PRKCE: variants seen among roughly 807,000 people sequenced by gnomAD.
PRKCE encodes protein kinase C epsilon, also known as protein kinase C epsilon type.
A neutral mutation model predicts 85.4 loss-of-function variants in PRKCE; 16 were observed. The observed-to-expected ratio is 0.19, with a 90% CI of 0.13 to 0.28. The LOEUF (loss-of-function observed/expected upper bound fraction) is 0.28, where lower values mean the gene tolerates loss of function less well. PRKCE is among the 10% of genes least tolerant of loss of function. PRKCE has a pLI of 1.00. For synonymous variants in PRKCE, 388 were observed against 371.5 expected (o/e 1.04, Z -0.51); for missense variants, 573 against 975.2 (o/e 0.59, Z 5.49).
chr2:45,666,436 C>T (rs776333602), intron 1 of PRKCE, among the ~76,000 whole-genome samples: 12 of 151,896 alleles, frequency 7.9e-5, no homozygotes, highest in Middle Eastern at 3.4e-3. Flanking sequence ...TGCACCTCCC[C>T]GGCTTCCATT....
chr2:45,948,965 G>C (rs746689182), intron 2 of PRKCE, among the ~76,000 whole-genome samples: 1 of 151,988 alleles, frequency 6.6e-6, no homozygotes, highest in East Asian at 1.9e-4. Flanking sequence ...GCTATTCCTC[G>C]AATGACAATA....
chr2:45,795,338 T>C (rs1687350165), intron 1 of PRKCE, among the ~76,000 whole-genome samples: 1 of 152,156 alleles, frequency 6.6e-6, no homozygotes, highest in South Asian at 2.1e-4. Context: ...GATGGAGTGT[T>C]GCTCTTGTCA....
At chr2:45,668,273 G>A (rs542907647) in intron 1 of PRKCE, among the ~76,000 whole-genome samples, 201 of 152,288 alleles carry the variant, frequency 1.3e-3, no homozygotes, top group Non-Finnish European at 1.8e-3. Flanking sequence ...CCTGGGAGGT[G>A]GAAGCTGCAG....
At chr2:46,126,396 G>A (rs937083321) in intron 11 of PRKCE, among the ~76,000 whole-genome samples, 1 of 152,088 alleles carries the variant, frequency 6.6e-6, no homozygotes, top group Non-Finnish European at 1.5e-5. Flanking sequence ...ACCAGAGGAG[G>A]TATAGTGCCT....
intron 1 of PRKCE, among the ~76,000 whole-genome samples, chr2:45,757,838 G>A (rs1684135323): frequency 6.6e-6 from 1 of 152,142 alleles, no homozygotes; most frequent in Non-Finnish European, 1.5e-5. Flanking sequence ...GGATGGCAGG[G>A]GAGGACCACT....
In PRKCE at chr2:46,184,068, C is replaced by A. The variant is rs281508; in HGVS notation, c.2068-667C>A. Reference sequence around the variant, plus strand: ...GAGTTTACTTATTTCATTCAGTAGACACTTATTGCTGGGGAACTGCTGGGA... The same window carrying A: ...GAGTTTACTTATTTCATTCAGTAGAAACTTATTGCTGGGGAACTGCTGGGA... On this transcript the variant is annotated intron_variant, in intron 14 of 14. Transcript: ENST00000306156. The surrounding 1 kb of genome is among the most constrained non-coding windows in gnomAD (Gnocchi z 5.0). 0.29 allele frequency among the ~76,000 whole-genome samples: 44,385 copies of A among 151,950 alleles called. 6,644 individuals carry two copies. Among genetic ancestry groups the A allele is most frequent in the Admixed American group, 0.34 (5,254 of 15,276 alleles).
At chr2:45,744,555 TTCCTTC>T (rs1558624292) in intron 1 of PRKCE, among the ~76,000 whole-genome samples, 3 of 105,262 alleles carry the variant, frequency 2.9e-5, no homozygotes, top group African/African-American at 9.1e-5. Flanking sequence ...TCTTTCTTCC[TTCCTTC>T]CTTCCTTCCT....
At chr2:45,893,636 A>G (rs1385756084) in intron 2 of PRKCE, among the ~76,000 whole-genome samples, 2 of 151,346 alleles carry the variant, frequency 1.3e-5, no homozygotes, top group Non-Finnish European at 2.9e-5. Context: ...TGCTGGGATT[A>G]CAGGCATGAG....
intron 1 of PRKCE, among the ~76,000 whole-genome samples, chr2:45,766,910 G>A (rs553247243): frequency 4.6e-5 from 7 of 152,224 alleles, no homozygotes; most frequent in African/African-American, 1.4e-4. Flanking sequence ...GCATGATGGC[G>A]TGTGCCAGTA....
At chr2:45,761,123 T>C (rs573059084) in intron 1 of PRKCE, among the ~76,000 whole-genome samples, 60 of 152,040 alleles carry the variant, frequency 3.9e-4, no homozygotes, top group Middle Eastern at 3.4e-3. Context: ...GTCAGGAGAT[T>C]GAGACCATCT....
At chr2:45,927,915 A>G (rs1482040203) in intron 2 of PRKCE, among the ~76,000 whole-genome samples, 1 of 148,132 alleles carries the variant, frequency 6.8e-6, no homozygotes, top group African/African-American at 2.5e-5. Flanking sequence ...TGTAGCCTTC[A>G]CTCACGGAGG....
At chr2:45,878,510 A>T (rs1400070852) in intron 2 of PRKCE, among the ~76,000 whole-genome samples, 1 of 152,206 alleles carries the variant, frequency 6.6e-6, no homozygotes, top group Non-Finnish European at 1.5e-5. Context: ...AATCTTAAAA[A>T]ATCTTCCAAA....
At chr2:46,035,972 G>A (rs1278253142) in intron 10 of PRKCE, among the ~76,000 whole-genome samples, 1 of 152,186 alleles carries the variant, frequency 6.6e-6, no homozygotes. Context: ...AGACTGCAAA[G>A]CAGGGGAAGG....
At chr2:46,036,517 G>A (rs915862725) in intron 10 of PRKCE, among the ~76,000 whole-genome samples, 13 of 152,176 alleles carry the variant, frequency 8.5e-5, no homozygotes, top group African/African-American at 2.4e-4. Context: ...TAGAGCCCAG[G>A]AGGTGGGGAC....
intron 1 of PRKCE, among the ~76,000 whole-genome samples, chr2:45,706,832 T>G (rs879613247): frequency 2.6e-5 from 4 of 152,192 alleles, no homozygotes; most frequent in Non-Finnish European, 4.4e-5. Flanking sequence ...TCATTTGAAC[T>G]GTGTCTTTTA....
chr2:45,899,722 G>A (rs920996739), intron 2 of PRKCE, among the ~76,000 whole-genome samples: 1 of 152,248 alleles, frequency 6.6e-6, no homozygotes, highest in South Asian at 2.1e-4. Flanking sequence ...GTTCCCGAAG[G>A]CCCTGAATTC....
intron 1 of PRKCE, among the ~76,000 whole-genome samples, chr2:45,836,174 C>G (rs1320732810): frequency 6.6e-6 from 1 of 152,170 alleles, no homozygotes; most frequent in African/African-American, 2.4e-5. Flanking sequence ...CTCCCATGTG[C>G]GGGACAGACA....
At chr2:45,934,052 A>G (rs1186458009) in intron 2 of PRKCE, among the ~76,000 whole-genome samples, 2 of 152,170 alleles carry the variant, frequency 1.3e-5, no homozygotes, top group Non-Finnish European at 2.9e-5. Context: ...TTCCAGAGGT[A>G]GTCTCCTAAC....
At chr2:45,891,265 G>A (rs1177062068) in intron 2 of PRKCE, among the ~76,000 whole-genome samples, 1 of 152,210 alleles carries the variant, frequency 6.6e-6, no homozygotes, top group Non-Finnish European at 1.5e-5. Flanking sequence ...GACCAGAAAT[G>A]TGCAGCAGTC....
Sources: gnomAD v4.1 joint callset for allele counts (sites outside exome capture counted in the v4.1 genomes callset) on GRCh38, gnomAD v4.1.1 for gene constraint, Gnocchi (gnomAD v3.1) non-coding constraint, MANE v1.5 for transcripts, NCBI Gene and HGNC (gene_info 2026-07-23, HGNC 2026-07-21) for gene names.